BMP7: variants seen among roughly 807,000 people sequenced by gnomAD.
BMP7 encodes osteogenic protein 1.
BMP7 carries 12 observed loss-of-function variants against 41.2 expected under a neutral mutation model. That is an observed-to-expected ratio of 0.29 (90% CI 0.19 to 0.47). BMP7 has a LOEUF of 0.47. Ranked by LOEUF, BMP7 falls within the 20% of genes least tolerant of loss-of-function variation. The probability of loss-of-function intolerance (pLI) is 0.99; values close to 1 mark genes in which losing one functional copy is unlikely to be tolerated. For synonymous variants in BMP7, 248 were observed against 250.0 expected, an observed-to-expected ratio of 0.99 and a Z score of 0.07; for missense variants, 467 against 606.0, an observed-to-expected ratio of 0.77 and a Z score of 2.41.
chr20:57,231,972 T>C (rs771795016), intron 1 of BMP7, among the ~76,000 whole-genome samples: 11 of 152,204 alleles, frequency 7.2e-5, no homozygotes, highest in Non-Finnish European at 1.2e-4. Context: ...TTTGCCATCA[T>C]CTGATGGAAC....
intron 1 of BMP7, among the ~76,000 whole-genome samples, chr20:57,243,606 C>T (rs989489376): frequency 3.9e-5 from 6 of 152,162 alleles, no homozygotes; most frequent in Non-Finnish European, 7.4e-5. Flanking sequence ...CCTCACTCTG[C>T]TCATGGGGTC....
chr20:57,252,956 C>T (rs1324697041), intron 1 of BMP7, among the ~76,000 whole-genome samples: 2 of 152,264 alleles, frequency 1.3e-5, no homozygotes, highest in Non-Finnish European at 2.9e-5. Flanking sequence ...TCCTATAATA[C>T]ACAGGACAGC....
At chr20:57,181,938 G>A (rs1321985862) in intron 4 of BMP7, among the ~76,000 whole-genome samples, 1 of 152,226 alleles carries the variant, frequency 6.6e-6, no homozygotes. Context: ...ACACATTCAC[G>A]GGTTCCAGAG....
chr20:57,182,191 A>G (rs1984099582), intron 4 of BMP7, among the ~76,000 whole-genome samples: 1 of 152,188 alleles, frequency 6.6e-6, no homozygotes, highest in South Asian at 2.1e-4. Flanking sequence ...GTCCCGATGC[A>G]TCTTCTGGCG....
chr20:57,183,876 G>A lies in BMP7; in HGVS notation c.804C>T (p.His268=), dbSNP rs149163942. The change falls in exon 4 of 7, where the codon CAC becomes CAT. Residue 268 remains histidine (H), a synonymous_variant. Coordinates refer to ENST00000395863, the MANE Select transcript of BMP7 (RefSeq NM_001719.3). ...NPKLAGLIGR[H]GPQNKQPFMV... ...TGAAGGGCTGCTTGTTCTGGGGCCC[G>A]TGCCGCCCAATCAGGCCCGCCAACT... 31 of 1,613,950 alleles carry A rather than the reference G, an allele frequency of 1.9e-5. No individual in the cohort carries two copies. The East Asian group carries it at 2.5e-4, about 13-fold the overall frequency.
In BMP7 at chr20:57,171,688, A is replaced by G. The variant is rs964709988; in HGVS notation, c.1147-580T>C. On this transcript the variant is annotated intron_variant, in intron 6 of 6. Coordinates refer to ENST00000395863, the MANE Select transcript of BMP7 (RefSeq NM_001719.3). The surrounding 1 kb of genome is among the most constrained non-coding windows in gnomAD (Gnocchi z 4.5). ...AGCAGATCTGCCACGTGTTCAAGAC[A>G]GGCCAGAGATTCCACTGTCCTGTTG... 2.0e-5 allele frequency among the ~76,000 whole-genome samples: 3 copies of G among 152,214 alleles called. No individual in the cohort carries two copies.
At chr20:57,195,215 C>T (rs1984464564) in intron 3 of BMP7, among the ~76,000 whole-genome samples, 1 of 152,232 alleles carries the variant, frequency 6.6e-6, no homozygotes, top group Admixed American at 6.5e-5. Flanking sequence ...GGAGGGGATG[C>T]AGCCCACCCA....
At chr20:57,260,471 T>G (rs556333568) in intron 1 of BMP7, among the ~76,000 whole-genome samples, 1 of 152,174 alleles carries the variant, frequency 6.6e-6, no homozygotes, top group East Asian at 1.9e-4. Context: ...GCAATTTGAG[T>G]GTGTAAAGCT....
chr20:57,221,291 A>T (rs1461581952), intron 2 of BMP7, among the ~76,000 whole-genome samples: 1 of 152,066 alleles, frequency 6.6e-6, no homozygotes, highest in Non-Finnish European at 1.5e-5. Context: ...CTCACTACAC[A>T]CTACTGGGAC....
rs976741387 is a variant in BMP7, at chr20:57,174,135, T to C, written c.1035+796A>G. 7.2e-5 allele frequency among the ~76,000 whole-genome samples: 11 copies of C among 152,132 alleles called. No homozygotes were observed. Among genetic ancestry groups the C allele is most frequent in the Non-Finnish European group, 1.5e-5 (1 of 68,024 alleles). ...CGTACGCCCTGAGTGTGTCTGGGCA[T>C]AATCCCCAGGGAAGATTCTGGACTC... On this transcript the variant is annotated intron_variant, in intron 5 of 6. Transcript: ENST00000395863. This position sits in a 1 kb window ranked among gnomAD's most constrained non-coding sequence, Gnocchi z 4.3.
chr20:57,179,353 T>A (rs934506450), intron 4 of BMP7, among the ~76,000 whole-genome samples: 7 of 152,214 alleles, frequency 4.6e-5, no homozygotes, highest in Non-Finnish European at 8.8e-5. Flanking sequence ...AACCCCCTGC[T>A]TGGGCCGCAG....
intron 2 of BMP7, among the ~76,000 whole-genome samples, chr20:57,225,072 G>A (rs927990946): frequency 6.6e-6 from 1 of 152,214 alleles, no homozygotes; most frequent in Non-Finnish European, 1.5e-5. Context: ...CAGAGACAGA[G>A]GCAGCCACAT....
intron 1 of BMP7, among the ~76,000 whole-genome samples, chr20:57,230,559 A>C (rs1244587397): frequency 6.6e-6 from 1 of 151,514 alleles, no homozygotes; most frequent in Non-Finnish European, 1.5e-5. Flanking sequence ...CCCAGGGCCA[A>C]AGACCTGGGA....
rs984703359 is a variant in BMP7 at position 57,266,622 on chromosome 20, C to G, written c.-500G>C. 1.3e-5 allele frequency: 2 copies of G among 152,388 alleles called. No individual in the cohort carries two copies. Among genetic ancestry groups the G allele is most frequent in the Admixed American group, 6.5e-5 (1 of 15,280 alleles). 9.4% of individuals were successfully genotyped at this position (152,388 alleles called of 1,614,324 possible). ...GTGCGCCCTGGATCGCACAAGAGGC[C>G]GCCTCGGGAGCGCCAGAGTGGTACG... On this transcript the variant is annotated 5_prime_UTR_variant, in exon 1 of 7. Coordinates refer to ENST00000395863, the MANE Select transcript of BMP7 (RefSeq NM_001719.3).
At position 57,224,322 on chromosome 20, in the gene BMP7, C is replaced by T. The variant is rs946322386; in HGVS notation, c.611+3907G>A. Among the ~76,000 whole-genome samples the T allele has an allele frequency of 2.0e-5, 3 of 152,240 alleles. No homozygotes were observed. Among genetic ancestry groups the T allele is most frequent in the South Asian group, 2.1e-4 (1 of 4,830 alleles). ...TTTCATCCAGCTGCCAACATCATCT[C>T]GACCTTGGTGGCGGCCGACTCCCTT... On this transcript the variant is annotated intron_variant, in intron 2 of 6. Coordinates refer to ENST00000395863, the MANE Select transcript of BMP7 (RefSeq NM_001719.3). This position sits in a 1 kb window ranked among gnomAD's most constrained non-coding sequence, Gnocchi z 4.8.
Position 57,254,915 on chromosome 20 carries a change from T to C in BMP7, c.418+10790A>G, listed in dbSNP as rs539090884. Among the ~76,000 whole-genome samples, 7 of 152,262 alleles carry C rather than the reference T, an allele frequency of 4.6e-5. No individual in the cohort carries two copies. The East Asian group carries it at 1.4e-3, about 29-fold the overall frequency. ...TCTGGCTGGCTATGGAATTTCCCCA[T>C]GGAAGGGTTATGGGGTACATGTAGG... On this transcript the variant is annotated intron_variant, in intron 1 of 6. Coordinates refer to ENST00000395863, the MANE Select transcript of BMP7 (RefSeq NM_001719.3).
intron 1 of BMP7, among the ~76,000 whole-genome samples, chr20:57,260,485 T>C (rs997927166): frequency 6.6e-6 from 1 of 152,208 alleles, no homozygotes; most frequent in Non-Finnish European, 1.5e-5. Flanking sequence ...TAAAGCTAAA[T>C]GTGTTATCAT....
chr20:57,254,542 G>C (rs76610734), intron 1 of BMP7, among the ~76,000 whole-genome samples: 1,557 of 152,126 alleles, frequency 0.01, 21 homozygotes, highest in Middle Eastern at 0.075. Flanking sequence ...GGGAGGTTGG[G>C]GGCGGGGGTG....
rs1984934217 is a variant in BMP7, at chr20:57,213,146, T to C, written c.612-10523A>G. 1.3e-5 allele frequency among the ~76,000 whole-genome samples: 2 copies of C among 152,160 alleles called. No individual in the cohort carries two copies. The highest frequency in any genetic ancestry group is 4.8e-5 in the African/African-American group (2 of 41,434). ...ACGGCCCTCTCACCCACCCCACGGCTGTCTGTCTCCCTCTGGGCAGGGCCA... is the reference window on the plus strand; with the variant it reads ...ACGGCCCTCTCACCCACCCCACGGCCGTCTGTCTCCCTCTGGGCAGGGCCA... On this transcript the variant is annotated intron_variant, in intron 2 of 6. Transcript: ENST00000395863. This position sits in a 1 kb window ranked among gnomAD's most constrained non-coding sequence, Gnocchi z 4.4.
Sources: allele counts gnomAD v4.1 joint callset (sites outside exome capture counted in the v4.1 genomes callset), GRCh38; gene constraint gnomAD v4.1.1; non-coding constraint Gnocchi (gnomAD v3.1); transcripts MANE v1.5; gene names NCBI Gene and HGNC (gene_info 2026-07-23, HGNC 2026-07-21).